PAG1: variants seen among roughly 807,000 people sequenced by gnomAD.
PAG1 encodes the protein phosphoprotein membrane anchor with glycosphingolipid microdomains 1.
In PAG1, 23 loss-of-function variants were observed where a neutral mutation model predicts 31.7. The ratio of observed to expected loss-of-function variants is 0.73; its 90% CI spans 0.52 to 1.03. PAG1 has a LOEUF of 1.03. Among genes scored for constraint, PAG1 ranks in the 50% least tolerant of loss-of-function variants. The pLI is 0.00. For missense variants in PAG1, 473 were observed against 540.7 expected (o/e 0.87, Z 1.24); for synonymous variants, 214 against 210.3 (o/e 1.02, Z -0.15).
At chr8:80,987,763 C>T (rs977945228) in intron 5 of PAG1, among the ~76,000 whole-genome samples, 2 of 152,060 alleles carry the variant, frequency 1.3e-5, no homozygotes, top group South Asian at 4.2e-4. Context: ...TAACCACTGA[C>T]AATAAAACAA....
rs941335168 is a variant in PAG1 at position 80,971,585 on chromosome 8, A to C, written c.*4959T>G. The stretch of plus-strand genomic sequence containing the variant: ...TGATATGAGACAACCCAAGGGTAGC[A>C]CATTTTAAAAAATACCCACAGTATA... On this transcript the variant is annotated 3_prime_UTR_variant, in exon 9 of 9. Transcript: ENST00000220597. The C allele has an allele frequency of 3.3e-5, 5 of 152,264 alleles. No homozygotes were observed. The highest frequency in any genetic ancestry group is 7.3e-5 in the Non-Finnish European group (5 of 68,036). The allele number at this position is 152,264 out of a possible 1,614,324, so 9.4% of individuals were successfully genotyped here.
At chr8:81,094,539 A>T (rs1421118900) in intron 1 of PAG1, among the ~76,000 whole-genome samples, 1 of 152,066 alleles carries the variant, frequency 6.6e-6, no homozygotes, top group Admixed American at 6.5e-5. Context: ...AAATTATGCT[A>T]CCCCTTAAAC....
At chr8:81,057,168 C>T (rs1002807068) in intron 2 of PAG1, among the ~76,000 whole-genome samples, 2 of 152,274 alleles carry the variant, frequency 1.3e-5, no homozygotes, top group Admixed American at 1.3e-4. Context: ...GTGGCGATTC[C>T]TCAAGGGTCT....
chr8:80,980,737 A>G (rs1807283202), intron 7 of PAG1, among the ~76,000 whole-genome samples: 2 of 152,248 alleles, frequency 1.3e-5, no homozygotes, highest in South Asian at 2.1e-4. Context: ...CTGTAGGTAC[A>G]AAGAAGCCAA....
intron 6 of PAG1, among the ~76,000 whole-genome samples, chr8:80,986,479 C>T (rs570660265): frequency 3.3e-5 from 5 of 152,300 alleles, no homozygotes; most frequent in African/African-American, 1.2e-4. Context: ...AGCAAGAGTA[C>T]ACAATGCATG....
chr8:81,013,691 T>G (rs1383789210), intron 3 of PAG1, among the ~76,000 whole-genome samples: 4 of 152,206 alleles, frequency 2.6e-5, no homozygotes. Context: ...GCGATTCTCC[T>G]GCCTCAGCCT....
At chr8:81,003,452 G>C (rs1383950434) in intron 3 of PAG1, among the ~76,000 whole-genome samples, 1 of 152,194 alleles carries the variant, frequency 6.6e-6, no homozygotes, top group Non-Finnish European at 1.5e-5. Flanking sequence ...TAAAGTCAGA[G>C]CTTTTGTTTC....
chr8:81,018,889 C>A (rs1808115605), intron 3 of PAG1, among the ~76,000 whole-genome samples: 1 of 152,126 alleles, frequency 6.6e-6, no homozygotes, highest in African/African-American at 2.4e-5. Flanking sequence ...GGGTAACAGG[C>A]AGAGGTCGGA....
intron 1 of PAG1, among the ~76,000 whole-genome samples, chr8:81,107,084 C>T (rs545794666): frequency 6.6e-6 from 1 of 152,142 alleles, no homozygotes; most frequent in South Asian, 2.1e-4. Context: ...GTATGTGACA[C>T]TAAACACAGA....
chr8:81,024,313 G>T (rs1808237156), intron 3 of PAG1, among the ~76,000 whole-genome samples: 1 of 152,156 alleles, frequency 6.6e-6, no homozygotes, highest in Admixed American at 6.5e-5. Flanking sequence ...GATGCAGGAA[G>T]GAGAAGGGTG....
chr8:81,016,042 CAG>C (rs1340558755), intron 3 of PAG1, among the ~76,000 whole-genome samples: 2 of 152,130 alleles, frequency 1.3e-5, no homozygotes, highest in Non-Finnish European at 2.9e-5. Flanking sequence ...GGTGGTCATC[CAG>C]TTGTCCTTAT....
chr8:80,987,188 CACACAGAAG>C (rs1563617925), intron 6 of PAG1, among the ~76,000 whole-genome samples, 173 bp downstream of exon 6: 1 of 152,194 alleles, frequency 6.6e-6, no homozygotes, highest in Non-Finnish European at 1.5e-5. Flanking sequence ...CAATGCCTGG[CACACAGAAG>C]TGGATTAATA....
chr8:81,059,193 A>G (rs1808877320), intron 2 of PAG1, among the ~76,000 whole-genome samples: 1 of 152,120 alleles, frequency 6.6e-6, no homozygotes, highest in South Asian at 2.1e-4. Flanking sequence ...TGTAAATGCT[A>G]TGTAAGTAGT....
chr8:81,038,908 G>GT (rs565677229), intron 2 of PAG1, among the ~76,000 whole-genome samples: 275 of 152,316 alleles, frequency 1.8e-3, no homozygotes, highest in African/African-American at 6.2e-3. Flanking sequence ...TCAGTGAGAT[G>GT]TAATGCTCAC....
chr8:81,008,972 T>C (rs1807933714), intron 3 of PAG1, among the ~76,000 whole-genome samples: 1 of 152,234 alleles, frequency 6.6e-6, no homozygotes. Context: ...TGTGTCTGTG[T>C]GATAAACTCC....
chr8:80,989,936 A>G (rs1458157352), intron 5 of PAG1, among the ~76,000 whole-genome samples: 1 of 151,880 alleles, frequency 6.6e-6, no homozygotes, highest in Non-Finnish European at 1.5e-5. Context: ...CCCCAGCCCC[A>G]CCTCACCACC....
At chr8:81,046,600 C>T (rs371214719) in intron 2 of PAG1, among the ~76,000 whole-genome samples, 38 of 152,188 alleles carry the variant, frequency 2.5e-4, no homozygotes, top group African/African-American at 6.7e-4. Context: ...ATTTAATGCA[C>T]GGAATAAGAA....
chr8:81,073,853 G>C (rs894534508), intron 1 of PAG1, among the ~76,000 whole-genome samples: 2 of 152,140 alleles, frequency 1.3e-5, no homozygotes, highest in African/African-American at 2.4e-5. Flanking sequence ...CTTTGAGTTG[G>C]GGAGTCAGGA....
chr8:80,989,621 G>C (rs997805748), intron 5 of PAG1, among the ~76,000 whole-genome samples: 48 of 152,254 alleles, frequency 3.2e-4, no homozygotes, highest in Non-Finnish European at 3.7e-4. Flanking sequence ...GAGGAAGAAG[G>C]CAGGGGATGG....
Sources: allele counts gnomAD v4.1 joint callset (sites outside exome capture counted in the v4.1 genomes callset), GRCh38; gene constraint gnomAD v4.1.1; transcripts MANE v1.5; gene names NCBI Gene and HGNC (gene_info 2026-07-23, HGNC 2026-07-21).